The following CABCOCO1 variants were observed in gnomAD, a reference collection of about 807,000 sequenced individuals.
The protein encoded by CABCOCO1 is ciliary-associated calcium-binding coiled-coil protein 1.
Under a neutral mutation model 35.7 loss-of-function variants are expected in CABCOCO1, and 28 were observed. That is an observed-to-expected ratio of 0.78 (90% CI 0.58 to 1.07). CABCOCO1 has a LOEUF of 1.07. Among genes scored for constraint, CABCOCO1 ranks in the 50% least tolerant of loss-of-function variants. The pLI is 0.00. For missense variants in CABCOCO1, 326 were observed against 309.2 expected (o/e 1.05, Z -0.41); for synonymous variants, 95 against 100.1 (o/e 0.95, Z 0.30).
chr10:61,693,118 T>C (rs1427417011), intron 5 of CABCOCO1, among the ~76,000 whole-genome samples: 1 of 152,104 alleles, frequency 6.6e-6, no homozygotes, highest in African/African-American at 2.4e-5. Context: ...GGCTGCTTTA[T>C]TTTCCATTGT....
chr10:61,666,854 T>C (rs1277552817), intron 1 of CABCOCO1, among the ~76,000 whole-genome samples: 1 of 148,226 alleles, frequency 6.7e-6, no homozygotes, highest in Non-Finnish European at 1.5e-5. Flanking sequence ...ATGGACAAAA[T>C]AGGCAGCAGA....
chr10:61,677,811 G>GTTTTTTT (rs35492889), intron 2 of CABCOCO1, among the ~76,000 whole-genome samples: 175 of 60,298 alleles, frequency 2.9e-3, no homozygotes, highest in East Asian at 3.8e-3. Context: ...TTTTTTGGGT[G>GTTTTTTT]TTTTTTTTTT....
In CABCOCO1 at chr10:61,709,693, TAA is replaced by T. The variant is rs35028169; in HGVS notation, c.552+19084_552+19085del. Among the ~76,000 whole-genome samples, 551 of 145,806 alleles carry T rather than the reference TAA, an allele frequency of 3.8e-3. 2 individuals are homozygous for T. The highest frequency in any genetic ancestry group is 4.7e-3 in the African/African-American group (188 of 40,138). ...CTGACTTACTTGTCCCCCTCAAATT[TAA>T]AAAAAAAAAAATGTATAGAGACAAC... On this transcript the variant is annotated intron_variant, in intron 5 of 7. Transcript: ENST00000648843.
chr10:61,762,965 C>T (rs925087739), intron 7 of CABCOCO1, among the ~76,000 whole-genome samples: 5 of 152,004 alleles, frequency 3.3e-5, no homozygotes, highest in African/African-American at 1.2e-4. Context: ...AGGTTATTTT[C>T]CACTTCTAAA....
chr10:61,760,587 C>T (rs1318962905), intron 6 of CABCOCO1, among the ~76,000 whole-genome samples: 1 of 151,976 alleles, frequency 6.6e-6, no homozygotes, highest in African/African-American at 2.4e-5. Context: ...GAACAACACA[C>T]ATCTGGGCCA....
At chr10:61,667,158 A>G (rs112952021) in intron 1 of CABCOCO1, among the ~76,000 whole-genome samples, 1 of 145,280 alleles carries the variant, frequency 6.9e-6, no homozygotes, top group East Asian at 1.9e-4. Flanking sequence ...AAATATAATT[A>G]TATGTTATAT....
At position 61,720,827 on chromosome 10, in the gene CABCOCO1, C is replaced by T. The variant is rs548054495; in HGVS notation, c.552+30206C>T. Among the ~76,000 whole-genome samples the T allele has an allele frequency of 1.2e-4, 18 of 151,586 alleles. No individual in the cohort carries two copies. The East Asian group carries it at 3.5e-3, about 29-fold the overall frequency. ...GAACCTCCATGGGCTGGTAAGCACC[C>T]GTGTACAAACAGTAGTAGGAAAGTA... On this transcript the variant is annotated intron_variant, in intron 5 of 7. Transcript: ENST00000648843.
In CABCOCO1 at chr10:61,700,039, A is replaced by T. The variant is rs142107652; in HGVS notation, c.552+9418A>T. 1.3e-3 allele frequency among the ~76,000 whole-genome samples: 200 copies of T among 152,284 alleles called. 4 individuals carry two copies. The East Asian group carries it at 0.034, about 26-fold the overall frequency. ...TGAAAAACCTAAATCAATATCTTAA[A>T]TTATTAATCATTAAGCCCATGACCA... On this transcript the variant is annotated intron_variant, in intron 5 of 7. Transcript: ENST00000648843.
chr10:61,713,557 A>C (rs1376266669), intron 5 of CABCOCO1, among the ~76,000 whole-genome samples: 4 of 152,144 alleles, frequency 2.6e-5, no homozygotes, highest in African/African-American at 9.7e-5. Flanking sequence ...GTTGAATAGG[A>C]ATGGTGAGAG....
At chr10:61,758,744 CT>C (rs1358466248) in intron 5 of CABCOCO1, among the ~76,000 whole-genome samples, 2 of 151,976 alleles carry the variant, frequency 1.3e-5, no homozygotes, top group Non-Finnish European at 2.9e-5. Flanking sequence ...GTTTCCAAAT[CT>C]TTTTGCCTAT....
At chr10:61,686,279 G>A in intron 4 of CABCOCO1, 94 bp downstream of exon 4, 1 of 1,101,094 alleles carries the variant, frequency 9.1e-7, no homozygotes, top group East Asian at 2.9e-5. Context: ...AGCAGATTCA[G>A]ATATTTACAG....
At chr10:61,742,682 C>T (rs1267119100) in intron 5 of CABCOCO1, among the ~76,000 whole-genome samples, 3 of 152,210 alleles carry the variant, frequency 2.0e-5, no homozygotes, top group Non-Finnish European at 2.9e-5. Context: ...ATGCTTATTA[C>T]AGTGCCCAGC....
In CABCOCO1 at chr10:61,765,940, C is replaced by T; in HGVS notation, c.818C>T (p.Thr273Ile). 3 of 1,612,414 alleles carry T rather than the reference C, an allele frequency of 1.9e-6. No individual in the cohort carries two copies. Among genetic ancestry groups the T allele is most frequent in the Non-Finnish European group, 8.5e-7 (1 of 1,179,072 alleles). The change falls in exon 8 of 8, where the codon ACC (threonine) becomes ATC (isoleucine). Residue 273 changes from threonine (T) to isoleucine (I), a missense_variant and splice_region_variant. Transcript: ENST00000648843. The stretch of plus-strand genomic sequence containing the variant: ...CGTTTTTTATGATTGTCTTCACAGA[C>T]CGAGATAAACGAAAAACTGCAAATA... ...VTDDILIGIQ[T>I]EINEKLQIQE...
At chr10:61,700,369 G>A (rs1024018368) in intron 5 of CABCOCO1, among the ~76,000 whole-genome samples, 2 of 151,952 alleles carry the variant, frequency 1.3e-5, no homozygotes, top group African/African-American at 4.8e-5. Context: ...CCACACTAAT[G>A]GGAAAATTAA....
At chr10:61,714,476 G>T (rs1275519068) in intron 5 of CABCOCO1, among the ~76,000 whole-genome samples, 1 of 152,002 alleles carries the variant, frequency 6.6e-6, no homozygotes, top group Non-Finnish European at 1.5e-5. Flanking sequence ...TGGATTCATT[G>T]ATTTTTTGAA....
chr10:61,757,393 G>A (rs1033434558), intron 5 of CABCOCO1, among the ~76,000 whole-genome samples: 1 of 151,894 alleles, frequency 6.6e-6, no homozygotes, highest in Non-Finnish European at 1.5e-5. Context: ...TCTTTCCCTT[G>A]CAGTATCTCA....
rs776777273 is a variant in CABCOCO1 at position 61,761,012 on chromosome 10, T to C, written c.816+9T>C. 4 of 1,610,830 alleles carry C rather than the reference T, an allele frequency of 2.5e-6. No homozygotes were observed. In the South Asian group the frequency reaches 4.4e-5, roughly 18 times the overall value. On this transcript the variant is annotated intron_variant, in intron 7 of 7. Coordinates refer to ENST00000648843, the MANE Select transcript of CABCOCO1 (RefSeq NM_001366906.2). ...TTTTAATCGGCATTCAGGTACTCAGTATTGATAGTATGCTCACTTACTTTA... is the reference window on the plus strand; with the variant it reads ...TTTTAATCGGCATTCAGGTACTCAGCATTGATAGTATGCTCACTTACTTTA...
chr10:61,694,746 G>C (rs150821344), intron 5 of CABCOCO1, among the ~76,000 whole-genome samples: 4 of 152,194 alleles, frequency 2.6e-5, no homozygotes, highest in African/African-American at 9.6e-5. Flanking sequence ...AGGTGGCTAA[G>C]AGACTTAAAA....
chr10:61,719,467 C>A (rs1589138927), intron 5 of CABCOCO1, among the ~76,000 whole-genome samples: 1 of 151,928 alleles, frequency 6.6e-6, no homozygotes. Flanking sequence ...AATCTAGATT[C>A]TCACCCCCAC....
Sources: allele counts gnomAD v4.1 joint callset (sites outside exome capture counted in the v4.1 genomes callset), GRCh38; gene constraint gnomAD v4.1.1; transcripts MANE v1.5; gene names NCBI Gene and HGNC (gene_info 2026-07-23, HGNC 2026-07-21).